IFT81: variants seen among roughly 807,000 people sequenced by gnomAD.
The protein encoded by IFT81 is intraflagellar transport protein 81 homolog.
A neutral mutation model predicts 102.6 loss-of-function variants in IFT81; 72 were observed. That is an observed-to-expected ratio of 0.70 (90% CI 0.58 to 0.85). The LOEUF is 0.85. IFT81 is among the 40% of genes least tolerant of loss of function. IFT81 has a pLI of 0.00. For missense variants in IFT81, 723 were observed against 787.3 expected, an observed-to-expected ratio of 0.92 and a Z score of 0.98; for synonymous variants, 237 against 242.7, an observed-to-expected ratio of 0.98 and a Z score of 0.22.
At chr12:110,155,787 G>T (rs1050332238) in intron 10 of IFT81, among the ~76,000 whole-genome samples, 2 of 151,834 alleles carry the variant, frequency 1.3e-5, no homozygotes, top group African/African-American at 4.8e-5. Flanking sequence ...GTGTTTAGTT[G>T]ATTTTTTTAT....
At chr12:110,175,651 T>A (rs965537227) in intron 11 of IFT81, among the ~76,000 whole-genome samples, 2 of 152,240 alleles carry the variant, frequency 1.3e-5, no homozygotes, top group African/African-American at 4.8e-5. Flanking sequence ...AGAATATGTA[T>A]AGTGTCTGCT....
At chr12:110,190,784 A>G (rs1897759088) in intron 12 of IFT81, 136 bp from the exon 13 acceptor site, 3 of 696,336 alleles carry the variant, frequency 4.3e-6, no homozygotes, top group Non-Finnish European at 6.4e-6. Context: ...ATTGAAGTCA[A>G]TGAAGATTGT....
At chr12:110,208,571 C>T (rs1296426915) in intron 17 of IFT81, among the ~76,000 whole-genome samples, 1 of 152,074 alleles carries the variant, frequency 6.6e-6, no homozygotes, top group African/African-American at 2.4e-5. Context: ...TTTTCCACTT[C>T]AGTATTTATA....
intron 11 of IFT81, chr12:110,168,479 C>T: frequency 1.0e-6 from 1 of 965,870 alleles, no homozygotes. Flanking sequence ...TCATCTGTTA[C>T]TAACGCAGCT....
intron 1 of IFT81, among the ~76,000 whole-genome samples, chr12:110,126,058 C>A (rs1893820769): frequency 6.6e-6 from 1 of 152,132 alleles, no homozygotes; most frequent in Admixed American, 6.5e-5. Context: ...GTGGGCGGAT[C>A]ACGAGGTCAG....
At chr12:110,201,893 G>A (rs536927100) in intron 14 of IFT81, among the ~76,000 whole-genome samples, 1 of 152,276 alleles carries the variant, frequency 6.6e-6, no homozygotes, top group South Asian at 2.1e-4. Context: ...ACATGAAGAT[G>A]TCATCTCCTG....
intron 18 of IFT81, among the ~76,000 whole-genome samples, chr12:110,209,826 T>G (rs1394344664): frequency 6.6e-6 from 1 of 152,032 alleles, no homozygotes; most frequent in Non-Finnish European, 1.5e-5. Flanking sequence ...AGGTGTAAAT[T>G]TATTCATTTA....
At chr12:110,139,631 G>A (rs1048638435) in intron 8 of IFT81, among the ~76,000 whole-genome samples, 26 of 151,274 alleles carry the variant, frequency 1.7e-4, no homozygotes, top group African/African-American at 4.4e-4. Flanking sequence ...AAAATTAGCC[G>A]GGCATGGTGG....
At chr12:110,196,340 G>A (rs549380778) in intron 14 of IFT81, among the ~76,000 whole-genome samples, 17 of 152,238 alleles carry the variant, frequency 1.1e-4, no homozygotes, top group Admixed American at 3.9e-4. Flanking sequence ...CCAACATGGC[G>A]AAACTCTGTC....
At chr12:110,143,928 T>C (rs886940642) in intron 9 of IFT81, among the ~76,000 whole-genome samples, 1 of 152,044 alleles carries the variant, frequency 6.6e-6, no homozygotes, top group Non-Finnish European at 1.5e-5. Context: ...TTAAAGCTAA[T>C]ATTTTTATTA....
intron 17 of IFT81, among the ~76,000 whole-genome samples, chr12:110,208,118 C>T (rs1369479582): frequency 6.6e-6 from 1 of 152,076 alleles, no homozygotes; most frequent in East Asian, 1.9e-4. Flanking sequence ...TTTGCTGATA[C>T]ATCTGTATAT....
intron 11 of IFT81, among the ~76,000 whole-genome samples, chr12:110,166,894 G>A (rs1371015199): frequency 6.6e-5 from 10 of 151,850 alleles, no homozygotes; most frequent in Non-Finnish European, 1.3e-4. Context: ...CTTGATTGTC[G>A]ATATGTAGTT....
chr12:110,185,229 A>G (rs1222318793), intron 12 of IFT81, among the ~76,000 whole-genome samples: 1 of 151,942 alleles, frequency 6.6e-6, no homozygotes, highest in African/African-American at 2.4e-5. Flanking sequence ...TCTGTTGCCC[A>G]AGCTGGAGTG....
chr12:110,199,584 C>A (rs955011589), intron 14 of IFT81, among the ~76,000 whole-genome samples: 5 of 152,176 alleles, frequency 3.3e-5, no homozygotes, highest in African/African-American at 9.7e-5. Flanking sequence ...ACCTTCATCT[C>A]AAGAGACCAG....
chr12:110,189,643 C>G (rs1897700497), intron 12 of IFT81, among the ~76,000 whole-genome samples: 1 of 152,218 alleles, frequency 6.6e-6, no homozygotes, highest in South Asian at 2.1e-4. Flanking sequence ...GCCACCACAC[C>G]TGGCCTAATT....
chr12:110,136,716 C>G, intron 7 of IFT81, 60 bp from the exon 8 acceptor site: 1 of 904,552 alleles, frequency 1.1e-6, no homozygotes, highest in Non-Finnish European at 1.7e-6. Context: ...CATTGCTTGC[C>G]TAAGTGAGAG....
At chr12:110,152,384 C>T (rs1049799827) in intron 10 of IFT81, among the ~76,000 whole-genome samples, 1 of 152,140 alleles carries the variant, frequency 6.6e-6, no homozygotes, top group Non-Finnish European at 1.5e-5. Context: ...TTTAAATTTA[C>T]ATTTCCTTGA....
chr12:110,167,528 T>G (rs1488406882), intron 11 of IFT81, among the ~76,000 whole-genome samples: 1 of 152,172 alleles, frequency 6.6e-6, no homozygotes, highest in Non-Finnish European at 1.5e-5. Context: ...AAATAAATAG[T>G]AATGAATATT....
At chr12:110,159,566 A>G (rs1346857706) in intron 10 of IFT81, among the ~76,000 whole-genome samples, 1 of 152,200 alleles carries the variant, frequency 6.6e-6, no homozygotes, top group African/African-American at 2.4e-5. Context: ...TTAGTCTTAA[A>G]TGTCTGGCTT....
Sources: gnomAD v4.1 joint callset for allele counts (sites outside exome capture counted in the v4.1 genomes callset) on GRCh38, gnomAD v4.1.1 for gene constraint, MANE v1.5 for transcripts, NCBI Gene and HGNC (gene_info 2026-07-23, HGNC 2026-07-21) for gene names.